Variants in GPC5 observed in about 807,000 individuals in gnomAD.
GPC5 encodes the protein glypican-5.
In GPC5, 47 loss-of-function variants were observed where a neutral mutation model predicts 53.9. The observed-to-expected ratio is 0.87, with a 90% CI of 0.69 to 1.11. GPC5 has a LOEUF of 1.11. Ranked by LOEUF, GPC5 falls within the 50% of genes most tolerant of loss-of-function variation. The pLI is 0.00. For missense variants in GPC5, 748 were observed against 713.1 expected, an observed-to-expected ratio of 1.05 and a Z score of -0.56; for synonymous variants, 286 against 263.3, an observed-to-expected ratio of 1.09 and a Z score of -0.84.
chr13:91,504,271 A>C (rs949100628), intron 2 of GPC5, among the ~76,000 whole-genome samples: 1 of 152,154 alleles, frequency 6.6e-6, no homozygotes, highest in Non-Finnish European at 1.5e-5. Flanking sequence ...ATGTGACTTT[A>C]AAAATCCAAA....
At chr13:92,661,532 G>T (rs1249412034) in intron 7 of GPC5, among the ~76,000 whole-genome samples, 4 of 151,938 alleles carry the variant, frequency 2.6e-5, no homozygotes, top group African/African-American at 7.3e-5. Context: ...TTTTATAAAA[G>T]AATTTTATGG....
chr13:91,906,866 G>A (rs1230130410), intron 5 of GPC5, among the ~76,000 whole-genome samples: 1 of 151,916 alleles, frequency 6.6e-6, no homozygotes, highest in Non-Finnish European at 1.5e-5. Context: ...CTAGGTGAAA[G>A]TGGATTGTTT....
In GPC5 at chr13:91,398,698, T is replaced by TGGCGGCAGTGGCGGCAGC. The variant is rs1566361575; in HGVS notation, c.-341_-340insTGGCGGCAGCGGCGGCAG. The TGGCGGCAGTGGCGGCAGC allele has an allele frequency of 5.1e-6, 1 of 195,428 alleles. No homozygotes were observed. Among genetic ancestry groups the TGGCGGCAGTGGCGGCAGC allele is most frequent in the African/African-American group, 2.8e-5 (1 of 36,014 alleles). 12.1% of individuals were successfully genotyped at this position (195,428 alleles called of 1,614,324 possible). ...GCGGCAGTGGCGGCAGTGGCGGCAG[T>TGGCGGCAGTGGCGGCAGC]GGCGGCAGCGGCAGCAGTTGCAGCA... On this transcript the variant is annotated 5_prime_UTR_variant, in exon 1 of 8. Coordinates refer to ENST00000377067, the MANE Select transcript of GPC5 (RefSeq NM_004466.6).
intron 2 of GPC5, among the ~76,000 whole-genome samples, chr13:91,477,084 TATTCAAATATTAGAA>T (rs1341498803): frequency 2.0e-5 from 3 of 152,218 alleles, no homozygotes; most frequent in African/African-American, 7.2e-5. Context: ...AAAGGATATA[TATTCAAATATTAGAA>T]ATATTTATCT....
intron 7 of GPC5, among the ~76,000 whole-genome samples, chr13:92,743,775 A>G (rs1889170341): frequency 6.6e-6 from 1 of 152,104 alleles, no homozygotes; most frequent in Admixed American, 6.6e-5. Context: ...TACCTAATTT[A>G]TTGAGAGTTT....
At chr13:91,935,866 C>T (rs2139038019) in intron 6 of GPC5, among the ~76,000 whole-genome samples, 1 of 151,942 alleles carries the variant, frequency 6.6e-6, no homozygotes, top group African/African-American at 2.4e-5. Flanking sequence ...AAATAGATCT[C>T]ATAGATATAG....
At chr13:91,995,782 A>C (rs559293943) in intron 6 of GPC5, 1 of 152,310 alleles carries the variant, frequency 6.6e-6, no homozygotes, top group East Asian at 1.9e-4. Context: ...GATCATATAC[A>C]TCTGGGCCAC....
chr13:92,785,169 G>A (rs980706121), intron 7 of GPC5, among the ~76,000 whole-genome samples: 4 of 152,040 alleles, frequency 2.6e-5, no homozygotes, highest in Non-Finnish European at 5.9e-5. Flanking sequence ...CCAGCTACTC[G>A]GGAGGCTGAG....
intron 6 of GPC5, among the ~76,000 whole-genome samples, chr13:92,042,915 C>A (rs113383519): frequency 0.011 from 1,612 of 152,084 alleles, 36 homozygotes; most frequent in African/African-American, 0.036. Context: ...GTAAACAATA[C>A]AAATTATTAA....
At chr13:91,503,885 G>T (rs975549890) in intron 2 of GPC5, among the ~76,000 whole-genome samples, 4 of 150,620 alleles carry the variant, frequency 2.7e-5, no homozygotes, top group African/African-American at 9.7e-5. Flanking sequence ...CCAAGAATAT[G>T]ATAGAGAATT....
intron 7 of GPC5, among the ~76,000 whole-genome samples, chr13:92,466,669 G>A (rs1000658591): frequency 3.3e-5 from 5 of 151,976 alleles, no homozygotes; most frequent in African/African-American, 1.2e-4. Context: ...TCTAATCAAA[G>A]GTCAGTGATA....
intron 5 of GPC5, among the ~76,000 whole-genome samples, chr13:91,843,811 G>A (rs1025859313): frequency 2.0e-5 from 3 of 152,166 alleles, no homozygotes; most frequent in African/African-American, 7.2e-5. Flanking sequence ...GGAAACAGCT[G>A]CCAAAGTAAA....
intron 6 of GPC5, among the ~76,000 whole-genome samples, chr13:91,922,275 A>G (rs750363255): frequency 6.6e-6 from 1 of 152,160 alleles, no homozygotes; most frequent in Non-Finnish European, 1.5e-5. Context: ...TTAACTAGGT[A>G]TATTTAGTAC....
chr13:91,980,059 T>A (rs1390446993), intron 6 of GPC5, among the ~76,000 whole-genome samples: 2 of 151,908 alleles, frequency 1.3e-5, no homozygotes, highest in African/African-American at 4.8e-5. Context: ...AGGCCCAGAG[T>A]CCCATATTTA....
At chr13:92,613,473 A>AT (rs1884550809) in intron 7 of GPC5, among the ~76,000 whole-genome samples, 3 of 96,554 alleles carry the variant, frequency 3.1e-5, no homozygotes, top group East Asian at 2.9e-4. Flanking sequence ...TGTATTATAT[A>AT]ATTTATATAT....
intron 2 of GPC5, among the ~76,000 whole-genome samples, chr13:91,453,704 A>T (rs897163877): frequency 3.3e-5 from 5 of 152,094 alleles, no homozygotes; most frequent in African/African-American, 1.2e-4. Flanking sequence ...TAACTATATG[A>T]ATAAAGGAAT....
chr13:92,532,515 G>A (rs1881597121), intron 7 of GPC5, among the ~76,000 whole-genome samples: 1 of 152,086 alleles, frequency 6.6e-6, no homozygotes, highest in Admixed American at 6.6e-5. Context: ...AAATCCCAAA[G>A]AAATACAAAA....
intron 7 of GPC5, among the ~76,000 whole-genome samples, chr13:92,658,803 G>T (rs1886223412): frequency 1.6e-5 from 2 of 125,690 alleles, no homozygotes; most frequent in South Asian, 5.0e-4. Context: ...TTGGGAAGGG[G>T]TCAAGTGCAA....
intron 2 of GPC5, among the ~76,000 whole-genome samples, chr13:91,544,570 A>T (rs1232425184): frequency 5.3e-5 from 8 of 152,222 alleles, no homozygotes; most frequent in Non-Finnish European, 1.2e-4. Flanking sequence ...TGTTGTTCAA[A>T]AAGTTGTATT....
Sources: allele counts gnomAD v4.1 joint callset (sites outside exome capture counted in the v4.1 genomes callset), GRCh38; gene constraint gnomAD v4.1.1; transcripts MANE v1.5; gene names NCBI Gene and HGNC (gene_info 2026-07-23, HGNC 2026-07-21).